The following ABCC4 variants were observed in gnomAD, a reference collection of about 807,000 sequenced individuals.
ABCC4 encodes the protein ATP-binding cassette sub-family C member 4.
A neutral mutation model predicts 168.5 loss-of-function variants in ABCC4; 102 were observed. The observed-to-expected ratio is 0.61, with a 90% CI of 0.52 to 0.71. The LOEUF (loss-of-function observed/expected upper bound fraction) is 0.71, where lower values mean the gene tolerates loss of function less well. ABCC4 is among the 30% of genes least tolerant of loss of function. The pLI, the probability that ABCC4 is intolerant of heterozygous loss-of-function variation, is 0.00. For synonymous variants in ABCC4, 617 were observed against 590.7 expected (o/e 1.04, Z -0.65); for missense variants, 1,402 against 1,605.8 (o/e 0.87, Z 2.17).
intron 20 of ABCC4, among the ~76,000 whole-genome samples, chr13:95,096,862 A>G (rs1566413260): frequency 2.6e-5 from 4 of 152,202 alleles, no homozygotes; most frequent in Admixed American, 1.3e-4. Context: ...AAAGAAATAA[A>G]GAGCACTGGA....
At position 95,161,230 on chromosome 13, in the gene ABCC4, A is replaced by G; in HGVS notation, c.2414T>C (p.Ile805Thr). The G allele has an allele frequency of 1.2e-6, 2 of 1,610,816 alleles. No homozygotes were observed. The highest frequency in any genetic ancestry group is 1.7e-6 in the Non-Finnish European group (2 of 1,179,436). Residue 805 changes from isoleucine to threonine, a missense_variant, in exon 19 of 31, where the codon ATT (isoleucine) becomes ACT (threonine). Physicochemically the swap from Ile to Thr is moderately conservative, Grantham distance 89 (BLOSUM62 -1). Coordinates refer to ENST00000645237, the MANE Select transcript of ABCC4 (RefSeq NM_005845.5). Reference protein sequence around the residue: ...QTLHNKMFESILKAPVLFFDR... With the variant: ...QTLHNKMFESTLKAPVLFFDR... ...AAAGAATAATACCGGAGCTTTCAGAATTGACTCAAACATTTTGTTGTGCAA... is the reference window on the plus strand; with the variant it reads ...AAAGAATAATACCGGAGCTTTCAGAGTTGACTCAAACATTTTGTTGTGCAA...
chr13:95,127,498 G>A (rs1172889491), intron 19 of ABCC4, among the ~76,000 whole-genome samples: 2 of 151,992 alleles, frequency 1.3e-5, no homozygotes, highest in Non-Finnish European at 2.9e-5. Context: ...GGCTGGTCTC[G>A]AACTCCTGGC....
intron 1 of ABCC4, among the ~76,000 whole-genome samples, chr13:95,288,971 GCT>G (rs1340231512): frequency 6.6e-6 from 1 of 152,182 alleles, no homozygotes; most frequent in Non-Finnish European, 1.5e-5. Flanking sequence ...TACATTGAGA[GCT>G]CTCCAGGCCC....
chr13:95,257,026 G>A lies in ABCC4; in HGVS notation c.75-9273C>T, dbSNP rs567547197. Reference sequence around the variant, plus strand: ...TGATCCTTGAACAATGCAGGGATTGGGGTGCCAACCCCCTGTGCAACCAAA... The same window carrying A: ...TGATCCTTGAACAATGCAGGGATTGAGGTGCCAACCCCCTGTGCAACCAAA... On this transcript the variant is annotated intron_variant, in intron 1 of 30. Coordinates refer to ENST00000645237, the MANE Select transcript of ABCC4 (RefSeq NM_005845.5). Among the ~76,000 whole-genome samples, 3 of 152,216 alleles carry A rather than the reference G, an allele frequency of 2.0e-5. No individual in the cohort carries two copies. In the South Asian group the frequency reaches 6.3e-4, roughly 32 times the overall value.
chr13:95,236,801 AAG>A (rs1456864494), intron 3 of ABCC4, among the ~76,000 whole-genome samples: 9 of 152,188 alleles, frequency 5.9e-5, no homozygotes, highest in Non-Finnish European at 1.0e-4. Flanking sequence ...AAAAGGCACT[AAG>A]AGTTTATGGA....
intron 9 of ABCC4, among the ~76,000 whole-genome samples, chr13:95,191,071 C>A (rs2038236102): frequency 6.6e-6 from 1 of 152,202 alleles, no homozygotes; most frequent in Non-Finnish European, 1.5e-5. Flanking sequence ...TCAACCAACC[C>A]AAAACCTAAA....
At chr13:95,133,551 G>A (rs1274386234) in intron 19 of ABCC4, among the ~76,000 whole-genome samples, 3 of 152,150 alleles carry the variant, frequency 2.0e-5, no homozygotes, top group African/African-American at 7.2e-5. Context: ...ATTTGCCTGG[G>A]TCACAGAGGA....
chr13:95,151,786 T>C (rs2036697533), intron 19 of ABCC4, among the ~76,000 whole-genome samples: 1 of 152,136 alleles, frequency 6.6e-6, no homozygotes, highest in Admixed American at 6.6e-5. Context: ...GCTTGATGAA[T>C]GAAAAAGCCA....
At chr13:95,249,040 A>G (rs1468149287) in intron 1 of ABCC4, among the ~76,000 whole-genome samples, 1 of 152,036 alleles carries the variant, frequency 6.6e-6, no homozygotes, top group East Asian at 1.9e-4. Flanking sequence ...GACTATCTCA[A>G]AACAATAAAA....
Position 95,161,206 on chromosome 13 carries a change from A to C in ABCC4, c.2438T>G (p.Phe813Cys). 4 of 1,602,198 alleles carry C rather than the reference A, an allele frequency of 2.5e-6. No individual in the cohort carries two copies. The highest frequency in any genetic ancestry group is 3.4e-6 in the Non-Finnish European group (4 of 1,177,330). Residue 813 changes from phenylalanine to cysteine, a missense_variant, in exon 19 of 31, where the codon TTT (phenylalanine) becomes TGT (cysteine). Coordinates refer to ENST00000645237, the MANE Select transcript of ABCC4 (RefSeq NM_005845.5). ...AGACTTACCTATTGGATTTCTATCA[A>C]AGAATAATACCGGAGCTTTCAGAAT... ...ESILKAPVLF[F>C]DRNPIGRILN...
At chr13:95,218,846 GAAAGAAAAGAAAAAA>G (rs1219654435) in intron 4 of ABCC4, among the ~76,000 whole-genome samples, 7 of 122,712 alleles carry the variant, frequency 5.7e-5, no homozygotes, top group South Asian at 5.0e-4. Flanking sequence ...GCAAAACCAA[GAAAGAAAAGAAAAAA>G]AAAGAAAAGA....
chr13:95,292,392 TA>T (rs1445629589), intron 1 of ABCC4, among the ~76,000 whole-genome samples: 1 of 152,106 alleles, frequency 6.6e-6, no homozygotes, highest in Non-Finnish European at 1.5e-5. Context: ...GTGGCCATGA[TA>T]GCTGTCTTTG....
At chr13:95,157,945 G>A (rs1182671997) in intron 19 of ABCC4, among the ~76,000 whole-genome samples, 1 of 151,932 alleles carries the variant, frequency 6.6e-6, no homozygotes. Context: ...GGTGGTGGGT[G>A]CCTGTGGTCC....
chr13:95,025,252 CACA>C (rs2031396538), intron 30 of ABCC4, among the ~76,000 whole-genome samples: 2 of 58,940 alleles, frequency 3.4e-5, no homozygotes, highest in African/African-American at 6.4e-5. Context: ...CACACCCACA[CACA>C]CACACACCCC....
At chr13:95,148,113 A>AT (rs1181180333) in intron 19 of ABCC4, among the ~76,000 whole-genome samples, 1 of 152,196 alleles carries the variant, frequency 6.6e-6, no homozygotes, top group Non-Finnish European at 1.5e-5. Flanking sequence ...GAATTTGTAC[A>AT]TTTTTTAAGA....
intron 4 of ABCC4, among the ~76,000 whole-genome samples, chr13:95,213,471 T>A (rs1029920810): frequency 3.9e-5 from 6 of 152,162 alleles, no homozygotes; most frequent in African/African-American, 1.4e-4. Flanking sequence ...GAAGTTTCAG[T>A]AGGGATTTAC....
At chr13:95,197,310 A>G (rs1365293951) in intron 8 of ABCC4, among the ~76,000 whole-genome samples, 1 of 152,228 alleles carries the variant, frequency 6.6e-6, no homozygotes, top group Non-Finnish European at 1.5e-5. Flanking sequence ...CCTTGTCTAG[A>G]CAGAATAAAA....
intron 18 of ABCC4, among the ~76,000 whole-genome samples, chr13:95,162,760 G>A (rs565390360): frequency 6.6e-6 from 1 of 152,272 alleles, no homozygotes; most frequent in East Asian, 1.9e-4. Flanking sequence ...GGAACCATCC[G>A]AACCACAGGG....
At chr13:95,029,182 A>ATC (rs1566355128) in intron 30 of ABCC4, among the ~76,000 whole-genome samples, 127 of 66,972 alleles carry the variant, frequency 1.9e-3, no homozygotes, top group African/African-American at 7.5e-3. Flanking sequence ...ATATATATAT[A>ATC]TATATATATA....
Sources: allele counts gnomAD v4.1 joint callset (sites outside exome capture counted in the v4.1 genomes callset), GRCh38; gene constraint gnomAD v4.1.1; transcripts MANE v1.5; gene names NCBI Gene and HGNC (gene_info 2026-07-23, HGNC 2026-07-21).